The following MTCL2 variants were observed in gnomAD, a reference collection of about 807,000 sequenced individuals.
MTCL2 encodes the protein microtubule crosslinking factor 2, also known as microtubule cross-linking factor 2.
chr20:36,818,916 T>C, the MTCL2 span, among the ~76,000 whole-genome samples: 1 of 152,208 alleles, frequency 6.6e-6, no homozygotes, highest in Non-Finnish European at 1.5e-5. Flanking sequence ...AAATGGATCA[T>C]GGCACATGAA....
chr20:36,791,619 G>T, the MTCL2 span, among the ~76,000 whole-genome samples: 1 of 152,242 alleles, frequency 6.6e-6, no homozygotes, highest in Non-Finnish European at 1.5e-5. Context: ...GCCTCTAGCT[G>T]CACCAATCAG....
the MTCL2 span, among the ~76,000 whole-genome samples, chr20:36,841,872 G>GGGGGGT: frequency 0.012 from 824 of 71,360 alleles, 9 homozygotes; most frequent in African/African-American, 0.019. Flanking sequence ...GGTGGGGGGT[G>GGGGGGT]GGGTGTGTGT....
the MTCL2 span, among the ~76,000 whole-genome samples, chr20:36,860,084 G>A: frequency 6.6e-6 from 1 of 152,294 alleles, no homozygotes; most frequent in African/African-American, 2.4e-5. Flanking sequence ...GAGAAGTTAA[G>A]GGACTAACCC....
At chr20:36,844,795 C>T in the MTCL2 span, among the ~76,000 whole-genome samples, 5 of 151,424 alleles carry the variant, frequency 3.3e-5, no homozygotes, top group African/African-American at 7.3e-5. Flanking sequence ...CCGAGGCGGG[C>T]GGACCATTTG....
At chr20:36,839,264 C>A in the MTCL2 span, 1 of 1,609,336 alleles carries the variant, frequency 6.2e-7, no homozygotes, top group Non-Finnish European at 8.5e-7. This position sits in a 1 kb window ranked among gnomAD's most constrained non-coding sequence, Gnocchi z 5.1. Flanking sequence ...TCCACCTGGC[C>A]GGTCTGGGCG....
chr20:36,807,255 A>G, the MTCL2 span, among the ~76,000 whole-genome samples: 1 of 152,130 alleles, frequency 6.6e-6, no homozygotes, highest in African/African-American at 2.4e-5. Flanking sequence ...GTCTTGCTAC[A>G]CACTCAGGTC....
chr20:36,854,951 T>G, the MTCL2 span, among the ~76,000 whole-genome samples: 75 of 152,090 alleles, frequency 4.9e-4, no homozygotes, highest in African/African-American at 1.8e-3. Context: ...CAGACAGGGA[T>G]ATACGTTTGG....
At chr20:36,863,112 G>A in the MTCL2 span, 1 of 1,398,156 alleles carries the variant, frequency 7.2e-7, no homozygotes, top group East Asian at 3.3e-5. The surrounding 1 kb of genome is among the most constrained non-coding windows in gnomAD (Gnocchi z 6.2). Context: ...CGCCCCGGGA[G>A]CCACTGCGCG....
chr20:36,816,447 C>T, the MTCL2 span: 3 of 703,186 alleles, frequency 4.3e-6, no homozygotes, highest in Admixed American at 3.0e-5. Flanking sequence ...AGCTAAGGGT[C>T]CGGGGGAGAC....
At chr20:36,788,899 C>T in the MTCL2 span, among the ~76,000 whole-genome samples, 4 of 151,444 alleles carry the variant, frequency 2.6e-5, no homozygotes, top group Middle Eastern at 3.4e-3. Flanking sequence ...CTCTGCCTCC[C>T]GGGTTCGAGC....
chr20:36,834,209 C>A, the MTCL2 span, among the ~76,000 whole-genome samples: 1 of 151,362 alleles, frequency 6.6e-6, no homozygotes, highest in East Asian at 1.9e-4. Context: ...CCTGGCCAGG[C>A]AGCATTCTGG....
chr20:36,844,396 A>AT, the MTCL2 span, among the ~76,000 whole-genome samples: 8,213 of 145,512 alleles, frequency 0.056, 277 homozygotes, highest in Admixed American at 0.1. Context: ...TCTCTACAAA[A>AT]AAAAAATAAT....
the MTCL2 span, among the ~76,000 whole-genome samples, chr20:36,858,086 C>T: frequency 3.3e-5 from 5 of 152,026 alleles, no homozygotes; most frequent in African/African-American, 1.2e-4. Flanking sequence ...AGCCTAGACA[C>T]GCTAGTTAAC....
At chr20:36,799,176 C>T in the MTCL2 span, among the ~76,000 whole-genome samples, 2 of 151,194 alleles carry the variant, frequency 1.3e-5, no homozygotes, top group South Asian at 2.1e-4. Flanking sequence ...GGCAACACGG[C>T]GAAACCCCAT....
the MTCL2 span, among the ~76,000 whole-genome samples, chr20:36,811,235 C>T: frequency 6.6e-6 from 1 of 152,164 alleles, no homozygotes; most frequent in East Asian, 1.9e-4. Flanking sequence ...TGGTCAACAG[C>T]ACTGGGCAAT....
chr20:36,858,303 G>A, the MTCL2 span, among the ~76,000 whole-genome samples: 2 of 123,408 alleles, frequency 1.6e-5, no homozygotes, highest in African/African-American at 6.2e-5. Flanking sequence ...GAATCACCAA[G>A]GAGGGAAAAC....
the MTCL2 span, among the ~76,000 whole-genome samples, chr20:36,845,278 C>G: frequency 3.9e-5 from 6 of 152,240 alleles, no homozygotes; most frequent in Admixed American, 2.0e-4. Flanking sequence ...AGTCAGGTCT[C>G]TGAGCACAAG....
the MTCL2 span, chr20:36,780,535 G>A: frequency 6.6e-6 from 1 of 152,188 alleles, no homozygotes; most frequent in African/African-American, 2.4e-5. Flanking sequence ...TAGTGAAGGG[G>A]GTGAGGAGAG....
At chr20:36,780,454 G>A in the MTCL2 span, 3 of 152,170 alleles carry the variant, frequency 2.0e-5, no homozygotes, top group South Asian at 6.2e-4. Flanking sequence ...TGCACATTTT[G>A]CCATCATTCT....
Sources: gnomAD v4.1 joint callset for allele counts (sites outside exome capture counted in the v4.1 genomes callset) on GRCh38, gnomAD v4.1.1 for gene constraint, Gnocchi (gnomAD v3.1) non-coding constraint, MANE v1.5 for transcripts, NCBI Gene and HGNC (gene_info 2026-07-23, HGNC 2026-07-21) for gene names.